Variants in DCC observed in about 807,000 individuals in gnomAD.
DCC encodes DCC netrin 1 receptor, also known as netrin receptor DCC.
DCC carries 58 observed loss-of-function variants against 172.5 expected under a neutral mutation model. The ratio of observed to expected loss-of-function variants is 0.34; its 90% confidence interval spans 0.27 to 0.42. The LOEUF is 0.42. Ranked by LOEUF, DCC falls within the 10% of genes least tolerant of loss-of-function variation. DCC has a pLI of 1.00. For synonymous variants in DCC, 709 were observed against 644.5 expected, an observed-to-expected ratio of 1.10 and a Z score of -1.52; for missense variants, 1,740 against 1,791.0, an observed-to-expected ratio of 0.97 and a Z score of 0.51.
At chr18:52,870,277 G>A (rs1036946600) in intron 2 of DCC, among the ~76,000 whole-genome samples, 1 of 152,156 alleles carries the variant, frequency 6.6e-6, no homozygotes, top group Admixed American at 6.5e-5. Context: ...TGGGGGTGGG[G>A]GCTGTGCAGT....
At chr18:53,506,304 T>C (rs573144270) in intron 27 of DCC, among the ~76,000 whole-genome samples, 2 of 152,126 alleles carry the variant, frequency 1.3e-5, no homozygotes, top group African/African-American at 4.8e-5. Context: ...GAGCGACTTG[T>C]AAGTTTGTAA....
At chr18:53,505,274 G>A (rs1474436487) in intron 27 of DCC, 1 of 152,076 alleles carries the variant, frequency 6.6e-6, no homozygotes, top group African/African-American at 2.4e-5. Flanking sequence ...GGAAGCCAGG[G>A]GCTGACATCT....
chr18:52,957,186 C>A (rs1206134948), intron 5 of DCC, among the ~76,000 whole-genome samples: 2 of 152,050 alleles, frequency 1.3e-5, no homozygotes, highest in Non-Finnish European at 2.9e-5. Flanking sequence ...TATTTATGAT[C>A]ATTTATGATC....
rs118163150 is a variant in DCC, at chr18:53,178,194, A to G, written c.1419-768A>G. Among the ~76,000 whole-genome samples the G allele has an allele frequency of 6.2e-3, 937 of 152,328 alleles. 7 individuals are homozygous for G. The highest frequency in any genetic ancestry group is 0.023 in the Admixed American group (358 of 15,290). ...ATGTGTGTCCTTAAAGAATATTTCA[A>G]TAGTTACCATTTCTAAAATGTCAGC... On this transcript the variant is annotated intron_variant, in intron 8 of 28. Coordinates refer to ENST00000442544, the MANE Select transcript of DCC (RefSeq NM_005215.4).
chr18:53,011,632 T>A (rs2041732276), intron 5 of DCC, among the ~76,000 whole-genome samples: 1 of 151,762 alleles, frequency 6.6e-6, no homozygotes, highest in African/African-American at 2.4e-5. Flanking sequence ...AATGGAGAAA[T>A]TCATTTTGTA....
intron 5 of DCC, among the ~76,000 whole-genome samples, chr18:53,054,737 A>G (rs1220955334): frequency 1.3e-5 from 2 of 152,152 alleles, no homozygotes; most frequent in African/African-American, 2.4e-5. Flanking sequence ...TTCCTAGCAT[A>G]TATGAAGGAC....
intron 5 of DCC, among the ~76,000 whole-genome samples, chr18:53,013,699 A>T (rs2041765330): frequency 2.2e-5 from 3 of 135,404 alleles, no homozygotes; most frequent in Admixed American, 1.5e-4. Flanking sequence ...CCCAGAACTT[A>T]AAAAAAAAAA....
At chr18:52,626,343 C>T (rs1254742009) in intron 1 of DCC, among the ~76,000 whole-genome samples, 1 of 152,184 alleles carries the variant, frequency 6.6e-6, no homozygotes, top group Non-Finnish European at 1.5e-5. Context: ...AGCCCTACTT[C>T]CAAAATAGAT....
intron 1 of DCC, among the ~76,000 whole-genome samples, chr18:52,636,344 T>C (rs373767914): frequency 4.5e-4 from 68 of 150,904 alleles, no homozygotes; most frequent in African/African-American, 1.6e-3. Context: ...TGGACAGAAC[T>C]TGGGGGAGGG....
chr18:53,040,200 A>C (rs1472514121), intron 5 of DCC, among the ~76,000 whole-genome samples: 1 of 152,016 alleles, frequency 6.6e-6, no homozygotes, highest in Admixed American at 6.6e-5. Flanking sequence ...AGTAGCTAAA[A>C]TTTATTGAAC....
At chr18:52,691,366 C>T (rs1180060464) in intron 1 of DCC, among the ~76,000 whole-genome samples, 1 of 152,030 alleles carries the variant, frequency 6.6e-6, no homozygotes, top group African/African-American at 2.4e-5. Context: ...AGCAAAATAC[C>T]AAAAACTAGG....
At chr18:52,608,993 G>A (rs892979824) in intron 1 of DCC, among the ~76,000 whole-genome samples, 1 of 152,154 alleles carries the variant, frequency 6.6e-6, no homozygotes, top group Admixed American at 6.5e-5. Flanking sequence ...GTGAGTATTT[G>A]AAGCAAGCAT....
intron 1 of DCC, among the ~76,000 whole-genome samples, chr18:52,631,463 C>T (rs994205814): frequency 2.6e-5 from 4 of 152,192 alleles, no homozygotes; most frequent in East Asian, 3.9e-4. Context: ...CTAATTTATA[C>T]TCTAGTAAGG....
rs533513440 is a variant in DCC, at chr18:52,432,785, G to A, written c.91+91907G>A. The stretch of plus-strand genomic sequence containing the variant: ...CTACATAGCCTAAACTGAGTACTAC[G>A]AGTGGATTTATCTTGAAGCCTGCAG... On this transcript the variant is annotated intron_variant, in intron 1 of 28. Coordinates refer to ENST00000442544, the MANE Select transcript of DCC (RefSeq NM_005215.4). Among the ~76,000 whole-genome samples, 5 of 152,242 alleles carry A rather than the reference G, an allele frequency of 3.3e-5. No homozygotes were observed. The South Asian group carries it at 8.3e-4, about 25-fold the overall frequency.
chr18:52,785,016 G>A (rs2037629736), intron 2 of DCC, among the ~76,000 whole-genome samples: 1 of 151,848 alleles, frequency 6.6e-6, no homozygotes, highest in Admixed American at 6.6e-5. Flanking sequence ...TTATAGGAAG[G>A]CTGGAGAAGG....
chr18:53,474,230 C>T (rs2045734079), intron 25 of DCC, among the ~76,000 whole-genome samples: 1 of 151,866 alleles, frequency 6.6e-6, no homozygotes, highest in Non-Finnish European at 1.5e-5. Flanking sequence ...ATCTTCATTA[C>T]AATAGATGAA....
intron 25 of DCC, among the ~76,000 whole-genome samples, chr18:53,473,252 T>A (rs753409317): frequency 6.6e-6 from 1 of 152,248 alleles, no homozygotes; most frequent in Non-Finnish European, 1.5e-5. Context: ...CTCCAACAGC[T>A]TGTGAATTAC....
chr18:52,545,899 A>C (rs2032598643), intron 1 of DCC, among the ~76,000 whole-genome samples: 1 of 152,216 alleles, frequency 6.6e-6, no homozygotes, highest in South Asian at 2.1e-4. Context: ...TTCAATGGCC[A>C]CTTGTTACAC....
At chr18:52,533,848 A>C (rs1033240298) in intron 1 of DCC, among the ~76,000 whole-genome samples, 1 of 152,190 alleles carries the variant, frequency 6.6e-6, no homozygotes, top group African/African-American at 2.4e-5. Flanking sequence ...ATACCATTTT[A>C]CATTCACATC....
Sources: allele counts gnomAD v4.1 joint callset (sites outside exome capture counted in the v4.1 genomes callset), GRCh38; gene constraint gnomAD v4.1.1; transcripts MANE v1.5; gene names NCBI Gene and HGNC (gene_info 2026-07-23, HGNC 2026-07-21).